Variants in NFIB observed in about 807,000 individuals in gnomAD.
NFIB encodes the protein nuclear factor I B, also known as nuclear factor 1 B-type.
In NFIB, 11 loss-of-function variants were observed where a neutral mutation model predicts 61.5. That is an observed-to-expected ratio of 0.18 (90% CI 0.11 to 0.30). The LOEUF (loss-of-function observed/expected upper bound fraction) is 0.30, where lower values mean the gene tolerates loss of function less well. NFIB is among the 10% of genes least tolerant of loss of function. The probability of loss-of-function intolerance (pLI) is 1.00; values close to 1 mark genes in which losing one functional copy is unlikely to be tolerated. For synonymous variants in NFIB, 260 were observed against 216.5 expected, an observed-to-expected ratio of 1.20 and a Z score of -1.76; for missense variants, 471 against 608.9, an observed-to-expected ratio of 0.77 and a Z score of 2.38.
At chr9:14,454,635 G>T in the NFIB span, among the ~76,000 whole-genome samples, 1 of 152,166 alleles carries the variant, frequency 6.6e-6, no homozygotes, top group Non-Finnish European at 1.5e-5. Context: ...CTGCTAGTTT[G>T]TAAGCTCTGT....
intron 2 of NFIB, among the ~76,000 whole-genome samples, chr9:14,243,582 T>C (rs1257593101): frequency 1.3e-5 from 2 of 150,348 alleles, no homozygotes; most frequent in African/African-American, 4.9e-5. Context: ...AGTCAACCTA[T>C]GGTTAGATTT....
At chr9:14,113,749 T>C (rs553888765) in intron 9 of NFIB, among the ~76,000 whole-genome samples, 116 of 152,276 alleles carry the variant, frequency 7.6e-4, no homozygotes, top group African/African-American at 2.7e-3. Context: ...TTGTAACTGA[T>C]CCAGGAAGAA....
chr9:14,408,671 T>C, the NFIB span, among the ~76,000 whole-genome samples: 1 of 152,176 alleles, frequency 6.6e-6, no homozygotes, highest in African/African-American at 2.4e-5. Context: ...AAGTTGGATG[T>C]TTTATTAGTG....
chr9:14,416,046 C>A, the NFIB span, among the ~76,000 whole-genome samples: 61 of 152,256 alleles, frequency 4.0e-4, no homozygotes, highest in Non-Finnish European at 8.1e-4. Context: ...GCTTGAATTT[C>A]AGCAAGAAGA....
At chr9:14,239,528 T>C (rs1191631137) in intron 2 of NFIB, among the ~76,000 whole-genome samples, 1 of 152,114 alleles carries the variant, frequency 6.6e-6, no homozygotes. Context: ...AAGTCACTTA[T>C]TATCTATGAA....
the NFIB span, among the ~76,000 whole-genome samples, chr9:14,476,906 C>T: frequency 6.6e-6 from 1 of 152,164 alleles, no homozygotes; most frequent in Non-Finnish European, 1.5e-5. Context: ...TTAAAAATAG[C>T]ATGTTTCATG....
At chr9:14,098,085 G>A (rs2035155448) in intron 10 of NFIB, among the ~76,000 whole-genome samples, 1 of 152,040 alleles carries the variant, frequency 6.6e-6, no homozygotes, top group South Asian at 2.1e-4. Flanking sequence ...ACGGAAAATA[G>A]CTGATAAAAG....
intron 10 of NFIB, among the ~76,000 whole-genome samples, chr9:14,103,109 A>G (rs143032486): frequency 1.3e-5 from 2 of 152,312 alleles, no homozygotes; most frequent in South Asian, 2.1e-4. Flanking sequence ...TTTTAAACTC[A>G]GAGTAATGGC....
the NFIB span, among the ~76,000 whole-genome samples, chr9:14,427,090 T>C: frequency 3.3e-5 from 5 of 152,220 alleles, no homozygotes; most frequent in African/African-American, 1.2e-4. Context: ...AATGCATATG[T>C]GTACTCTTAT....
At chr9:14,287,008 A>G (rs561087619) in intron 2 of NFIB, among the ~76,000 whole-genome samples, 1 of 152,296 alleles carries the variant, frequency 6.6e-6, no homozygotes, top group South Asian at 2.1e-4. Context: ...TCATCTAAGA[A>G]CTTTCATTCA....
intron 2 of NFIB, among the ~76,000 whole-genome samples, chr9:14,215,975 G>A (rs2050812025): frequency 1.3e-5 from 2 of 152,086 alleles, no homozygotes; most frequent in South Asian, 2.1e-4. Context: ...CTTGTTCATG[G>A]GGGGTGGGCA....
At chr9:14,228,372 G>T (rs13440252) in intron 2 of NFIB, among the ~76,000 whole-genome samples, 48,932 of 151,368 alleles carry the variant, frequency 0.32, 8,331 homozygotes, top group South Asian at 0.46. Flanking sequence ...TTTTTTGCAT[G>T]TTTAGTAGAG....
chr9:14,455,695 G>C, the NFIB span, among the ~76,000 whole-genome samples: 1 of 152,066 alleles, frequency 6.6e-6, no homozygotes, highest in Non-Finnish European at 1.5e-5. Flanking sequence ...ATCAAAAAAA[G>C]GGCAATTAAC....
intron 2 of NFIB, among the ~76,000 whole-genome samples, chr9:14,206,839 C>G (rs2049791819): frequency 6.6e-6 from 1 of 151,858 alleles, no homozygotes; most frequent in Admixed American, 6.6e-5. Context: ...AGATCATGCT[C>G]TATGTCTTAC....
At chr9:14,336,868 G>C (rs564559923) in intron 1 of NFIB, among the ~76,000 whole-genome samples, 1 of 152,082 alleles carries the variant, frequency 6.6e-6, no homozygotes. Flanking sequence ...AGGTTTTGCA[G>C]GTCATACACT....
intron 2 of NFIB, among the ~76,000 whole-genome samples, chr9:14,266,330 C>T (rs996093527): frequency 1.3e-5 from 2 of 152,152 alleles, no homozygotes; most frequent in African/African-American, 4.8e-5. Flanking sequence ...GTGACTCGCA[C>T]CTGTAATCCC....
chr9:14,272,194 T>C (rs907887105), intron 2 of NFIB, among the ~76,000 whole-genome samples: 2 of 152,182 alleles, frequency 1.3e-5, no homozygotes, highest in Non-Finnish European at 2.9e-5. Flanking sequence ...TAACCTCTTT[T>C]TTCCCCCACA....
At position 14,234,796 on chromosome 9, in the gene NFIB, T is replaced by A. The variant is rs2053574711; in HGVS notation, c.563-55016A>T. The stretch of plus-strand genomic sequence containing the variant: ...GTGCTGGCATTTGTTCGTTGAAATT[T>A]TTTTTTTGGTTTTTTTTTTGGGTAT... On this transcript the variant is annotated intron_variant, in intron 2 of 10. Transcript: ENST00000380953. Among the ~76,000 whole-genome samples, 3 of 96,014 alleles carry A rather than the reference T, an allele frequency of 3.1e-5. No individual in the cohort carries two copies. The South Asian group carries it at 1.1e-3, about 34-fold the overall frequency. The allele number at this position is 96,014 out of a possible 152,430, so 63.0% of individuals were successfully genotyped here.
chr9:14,337,268 G>A (rs2060896049), intron 1 of NFIB, among the ~76,000 whole-genome samples: 1 of 152,112 alleles, frequency 6.6e-6, no homozygotes, highest in Non-Finnish European at 1.5e-5. Flanking sequence ...CCACAGAATG[G>A]ATAAATGCAT....
Sources: allele counts gnomAD v4.1 joint callset (sites outside exome capture counted in the v4.1 genomes callset), GRCh38; gene constraint gnomAD v4.1.1; transcripts MANE v1.5; gene names NCBI Gene and HGNC (gene_info 2026-07-23, HGNC 2026-07-21).